Variants in EVX1 observed in about 807,000 individuals in gnomAD.
EVX1 encodes the protein homeobox even-skipped homolog protein 1.
EVX1 carries 19 observed loss-of-function variants against 28.6 expected under a neutral mutation model. The ratio of observed to expected loss-of-function variants is 0.67; its 90% CI spans 0.46 to 0.98. The LOEUF is 0.98. EVX1 is among the 50% of genes least tolerant of loss of function. The probability of loss-of-function intolerance (pLI) is 0.00; values close to 1 mark genes in which losing one functional copy is unlikely to be tolerated. For synonymous variants in EVX1, 324 were observed against 278.2 expected, an observed-to-expected ratio of 1.16 and a Z score of -1.64; for missense variants, 660 against 583.0, an observed-to-expected ratio of 1.13 and a Z score of -1.36.
At chr7:27,244,936 T>C in intron 1 of EVX1, 112 bp from the exon 2 acceptor site, 1 of 1,476,724 alleles carries the variant, frequency 6.8e-7, no homozygotes, top group Non-Finnish European at 9.1e-7. Context: ...CTGAGGTGGC[T>C]GACAGGGTGT....
chr7:27,245,383 C>G (rs929461540), intron 2 of EVX1, 79 bp downstream of exon 2: 320 of 1,571,396 alleles, frequency 2.0e-4, no homozygotes, highest in Non-Finnish European at 2.7e-4. Flanking sequence ...CTCCCTGAAA[C>G]GCAGGCCAGG....
In EVX1 at chr7:27,246,127, C is replaced by A. The variant is rs1311143119; in HGVS notation, c.926C>A (p.Thr309Lys). 6.5e-7 allele frequency: 1 copy of A among 1,536,134 alleles called. No individual in the cohort carries two copies. The highest frequency in any genetic ancestry group is 1.9e-5 in the Admixed American group (1 of 51,386). Residue 309 changes from threonine to lysine, a missense_variant, in exon 3 of 3, where the codon ACG (threonine) becomes AAG (lysine). Transcript: ENST00000496902. ...AGCGGCTCGCTGCGCCCGCTCGACACGTTCCGCGTGCTGTCGCAGCCCTAC... is the reference window on the plus strand; with the variant it reads ...AGCGGCTCGCTGCGCCCGCTCGACAAGTTCCGCGTGCTGTCGCAGCCCTAC... Reference protein sequence around the residue: ...PFSGSLRPLDTFRVLSQPYPR... With the variant: ...PFSGSLRPLDKFRVLSQPYPR...
In EVX1 at chr7:27,246,267, C is replaced by G; in HGVS notation, c.1066C>G (p.Pro356Ala). 1 of 1,564,164 alleles carries G rather than the reference C, an allele frequency of 6.4e-7. No individual in the cohort carries two copies. Among genetic ancestry groups the G allele is most frequent in the Non-Finnish European group, 8.6e-7 (1 of 1,162,914 alleles). Residue 356 changes from proline (P) to alanine (A), a missense_variant, in exon 3 of 3, where the codon CCG becomes GCG. Physicochemically the swap from Pro to Ala is conservative, Grantham distance 27. Transcript: ENST00000496902. Reference protein sequence around the residue: ...PCSCLACHSGPANGLAPRAAA... With the variant: ...PCSCLACHSGAANGLAPRAAA... ...CTCCTGCCTCGCCTGTCACAGCGGCCCGGCCAACGGGCTGGCGCCCCGGGC... is the reference window on the plus strand; with the variant it reads ...CTCCTGCCTCGCCTGTCACAGCGGCGCGGCCAACGGGCTGGCGCCCCGGGC...
chr7:27,243,349 C>T lies in EVX1; in HGVS notation c.319C>T (p.Gln107Ter). Residue 107 changes from glutamine to a stop codon, truncating the protein, a stop_gained, in exon 1 of 3, where the codon CAG becomes TAG. Coordinates refer to ENST00000496902, the MANE Select transcript of EVX1 (RefSeq NM_001989.5). LOFTEE classifies it high-confidence loss of function. ...PAPSVDSLSGQGQPSSSDTES... is the reference protein window; with the variant it reads ...PAPSVDSLSG The stretch of plus-strand genomic sequence containing the variant: ...CCCCTCAGTCGACAGCCTCTCCGGA[C>T]AGGGGCAACCCAGTAGCTCGGACAC... 1.2e-6 allele frequency: 2 copies of T among 1,608,140 alleles called. No individual in the cohort carries two copies. The highest frequency in any genetic ancestry group is 1.3e-5 in the African/African-American group (1 of 74,920).
In EVX1 at chr7:27,242,950, C is replaced by A. The variant is rs962987070; in HGVS notation, c.-81C>A. ...TCTTTCTCCCTCTTGCAACCAAGAT[C>A]CGTCCGGCCGCTGGAGACCCAGGGA... On this transcript the variant is annotated 5_prime_UTR_variant, in exon 1 of 3. Transcript: ENST00000496902. The A allele has an allele frequency of 3.6e-6, 5 of 1,376,318 alleles. No homozygotes were observed. Among genetic ancestry groups the A allele is most frequent in the Non-Finnish European group, 4.8e-6 (5 of 1,044,366 alleles). The allele number at this position is 1,376,318 out of a possible 1,614,324, so 85.3% of individuals were successfully genotyped here. A position where few individuals can be genotyped will look rare whatever the true frequency, so the allele number is the denominator to read the frequency against.
chr7:27,244,296 G>T (rs528267685), intron 1 of EVX1, among the ~76,000 whole-genome samples: 14 of 152,106 alleles, frequency 9.2e-5, no homozygotes, highest in African/African-American at 2.9e-4. Context: ...GCGGGTTGGT[G>T]GGGGGGAGGA....
chr7:27,244,898 G>A (rs1562535241), intron 1 of EVX1, 150 bp from the exon 2 acceptor site: 4 of 1,273,660 alleles, frequency 3.1e-6, no homozygotes, highest in Non-Finnish European at 3.2e-6. Flanking sequence ...GTTCCCCAGA[G>A]GCCGCAGTAC....
chr7:27,243,082 A>T lies in EVX1; in HGVS notation c.52A>T (p.Thr18Ser), dbSNP rs750526634. ...VVFLDGGQLG[T>S]LVGKRVSNLS... The stretch of plus-strand genomic sequence containing the variant: ...GTTTCTGGATGGGGGTCAGCTTGGC[A>T]CTCTGGTTGGCAAGAGAGTCTCAAA... The change falls in exon 1 of 3, where the codon ACT (threonine) becomes TCT (serine). Residue 18 changes from threonine (T) to serine (S), a missense_variant. Around this residue, in one of 3 missense-constraint regions of EVX1, gnomAD observed 308 missense variants for 256.6 expected, o/e 1.20. Transcript: ENST00000496902. 5 of 1,611,834 alleles carry T rather than the reference A, an allele frequency of 3.1e-6. 1 individual carries two copies. In the African/African-American group the frequency reaches 4.0e-5, roughly 13 times the overall value.
intron 1 of EVX1, 84 bp from the exon 2 acceptor site, chr7:27,244,964 T>A (rs1783129941): frequency 6.5e-7 from 1 of 1,530,106 alleles, no homozygotes; most frequent in East Asian, 2.3e-5. Context: ...CAAATCACCC[T>A]CCCACCTTAG....
Position 27,242,892 on chromosome 7 carries a change from A to C in EVX1, c.-139A>C. On this transcript the variant is annotated 5_prime_UTR_variant, in exon 1 of 3. Coordinates refer to ENST00000496902, the MANE Select transcript of EVX1 (RefSeq NM_001989.5). ...GCGGTCGCGGTCCAGACCGCGCTCC[A>C]GCAGCTCCGCGCCCTCCCAGGCACC... is the stretch of plus-strand genomic sequence containing the variant. The C allele has an allele frequency of 6.1e-6, 6 of 984,322 alleles. No individual in the cohort carries two copies. Among genetic ancestry groups the C allele is most frequent in the South Asian group, 3.7e-5 (2 of 54,034 alleles). The allele number at this position is 984,322 out of a possible 1,614,324, so 61.0% of individuals were successfully genotyped here. A position where few individuals can be genotyped will look rare whatever the true frequency, so the allele number is the denominator to read the frequency against.
chr7:27,246,138 C>T lies in EVX1; in HGVS notation c.937C>T (p.Leu313=). The change falls in exon 3 of 3, where the codon CTG becomes TTG. Residue 313 remains leucine, a synonymous_variant. Coordinates refer to ENST00000496902, the MANE Select transcript of EVX1 (RefSeq NM_001989.5). ...SLRPLDTFRV[L]SQPYPRPELL... is the part of the protein sequence containing the mutation. ...GCGCCCGCTCGACACGTTCCGCGTG[C>T]TGTCGCAGCCCTACCCGCGGCCCGA... 1 of 1,522,156 alleles carries T rather than the reference C, an allele frequency of 6.6e-7. No individual in the cohort carries two copies. Among genetic ancestry groups the T allele is most frequent in the South Asian group, 1.2e-5 (1 of 82,124 alleles). 94.3% of individuals were successfully genotyped at this position (1,522,156 alleles called of 1,614,324 possible). A position where few individuals can be genotyped will look rare whatever the true frequency, so the allele number is the denominator to read the frequency against.
chr7:27,243,374 C>T lies in EVX1; in HGVS notation c.344C>T (p.Thr115Ile). The T allele has an allele frequency of 1.9e-6, 3 of 1,611,906 alleles. No individual in the cohort carries two copies. Among genetic ancestry groups the T allele is most frequent in the Non-Finnish European group, 2.5e-6 (3 of 1,179,668 alleles). The part of the protein sequence containing the change: ...SGQGQPSSSD[T>I]ESDFYEEIEV... Reference sequence around the variant, plus strand: ...CAGGGGCAACCCAGTAGCTCGGACACCGAGTCGGATTTCTATGAAGAAATC... The same window carrying T: ...CAGGGGCAACCCAGTAGCTCGGACATCGAGTCGGATTTCTATGAAGAAATC... Residue 115 changes from threonine to isoleucine, a missense_variant, in exon 1 of 3, where the codon ACC (threonine) becomes ATC (isoleucine). Physicochemically the swap from Thr to Ile is moderately conservative, Grantham distance 89. This residue lies in a region of EVX1 where 308 missense variants were observed against 256.6 expected (regional missense o/e 1.20). Transcript: ENST00000496902.
chr7:27,243,464 A>T lies in EVX1; in HGVS notation c.427+7A>T. 1 of 1,573,312 alleles carries T rather than the reference A, an allele frequency of 6.4e-7. No homozygotes were observed. Among genetic ancestry groups the T allele is most frequent in the Non-Finnish European group, 8.6e-7 (1 of 1,162,058 alleles). ...GAGTACCAGCACAGCAAAGGTAGCC[A>T]CCGTGCCCCTCCGCTCCCCGGGCCT... On this transcript the variant is annotated splice_region_variant and intron_variant, in intron 1 of 2. Transcript: ENST00000496902.
chr7:27,243,538 C>T (rs1783086230), intron 1 of EVX1, 81 bp downstream of exon 1: 2 of 1,443,784 alleles, frequency 1.4e-6, no homozygotes, highest in Non-Finnish European at 9.2e-7. Flanking sequence ...GGAAGACACT[C>T]CCTTCCCCTA....
At position 27,246,548 on chromosome 7, in the gene EVX1, A is replaced by G; in HGVS notation, c.*123A>G. 3 of 1,010,216 alleles carry G rather than the reference A, an allele frequency of 3.0e-6. No homozygotes were observed. The highest frequency in any genetic ancestry group is 4.2e-6 in the Non-Finnish European group (3 of 707,034). 62.6% of individuals were successfully genotyped at this position (1,010,216 alleles called of 1,614,324 possible). On this transcript the variant is annotated 3_prime_UTR_variant, in exon 3 of 3. Coordinates refer to ENST00000496902, the MANE Select transcript of EVX1 (RefSeq NM_001989.5). ...CCTAGGACGCCAAGGGGGAAAGGAG[A>G]GGGCGGAAAAGGACCAGCGGGATCC...
At position 27,246,268 on chromosome 7, in the gene EVX1, C is replaced by G. The variant is rs762788783; in HGVS notation, c.1067C>G (p.Pro356Arg). 3.8e-6 allele frequency: 6 copies of G among 1,564,974 alleles called. No homozygotes were observed. Among genetic ancestry groups the G allele is most frequent in the East Asian group, 2.4e-5 (1 of 42,122 alleles). The change falls in exon 3 of 3, where the codon CCG becomes CGG. Residue 356 changes from proline (P) to arginine (R), a missense_variant. Transcript: ENST00000496902. ...PCSCLACHSGPANGLAPRAAA... is the reference protein window; with the variant it reads ...PCSCLACHSGRANGLAPRAAA... ...TCCTGCCTCGCCTGTCACAGCGGCC[C>G]GGCCAACGGGCTGGCGCCCCGGGCT... is the stretch of plus-strand genomic sequence containing the variant.
chr7:27,243,039 C>A lies in EVX1; in HGVS notation c.9C>A (p.Ser3Arg). 2.5e-6 allele frequency: 4 copies of A among 1,594,790 alleles called. No individual in the cohort carries two copies. Among genetic ancestry groups the A allele is most frequent in the Non-Finnish European group, 3.4e-6 (4 of 1,170,446 alleles). The stretch of plus-strand genomic sequence containing the variant: ...CACCGGAGAGCCCCGGGATGGAGAG[C>A]CGAAAGGACATGGTTGTGTTTCTGG... ME[S>R]RKDMVVFLDG... Residue 3 changes from serine to arginine, a missense_variant, in exon 1 of 3, where the codon AGC becomes AGA. Coordinates refer to ENST00000496902, the MANE Select transcript of EVX1 (RefSeq NM_001989.5).
chr7:27,245,832 C>G, intron 2 of EVX1, 54 bp from the exon 3 acceptor site: 1 of 1,578,954 alleles, frequency 6.3e-7, no homozygotes, highest in Non-Finnish European at 8.6e-7. Context: ...GACTACTGGC[C>G]TCTGAGCATC....
chr7:27,246,788 C>T lies in EVX1; in HGVS notation c.*363C>T. 1 of 319,238 alleles carries T rather than the reference C, an allele frequency of 3.1e-6. No individual in the cohort carries two copies. Among genetic ancestry groups the T allele is most frequent in the Non-Finnish European group, 5.7e-6 (1 of 174,496 alleles). 19.8% of individuals were successfully genotyped at this position (319,238 alleles called of 1,614,324 possible). A position where few individuals can be genotyped will look rare whatever the true frequency, so the allele number is the denominator to read the frequency against. On this transcript the variant is annotated 3_prime_UTR_variant, in exon 3 of 3. Transcript: ENST00000496902. ...GTCCCTCGGCCCCTCGGCCCCTCACCCTCCACCTCACACTCCCTTCTCACC... is the reference window on the plus strand; with the variant it reads ...GTCCCTCGGCCCCTCGGCCCCTCACTCTCCACCTCACACTCCCTTCTCACC...
Sources: allele counts gnomAD v4.1 joint callset (sites outside exome capture counted in the v4.1 genomes callset), GRCh38; gene constraint gnomAD v4.1.1; regional missense constraint gnomAD v4.1.1; transcripts MANE v1.5; gene names NCBI Gene and HGNC (gene_info 2026-07-23, HGNC 2026-07-21).